Variants in CCDC80 observed in about 807,000 individuals in gnomAD.
CCDC80 encodes the protein coiled-coil domain-containing protein 80.
Under a neutral mutation model 78.7 loss-of-function variants are expected in CCDC80, and 49 were observed. The ratio of observed to expected loss-of-function variants is 0.62; its 90% CI spans 0.50 to 0.79. CCDC80 has a LOEUF of 0.79. Ranked by LOEUF, CCDC80 falls within the 30% of genes least tolerant of loss-of-function variation. CCDC80 has a pLI of 0.00. For missense variants in CCDC80, 1,205 were observed against 1,198.6 expected (o/e 1.01, Z -0.08); for synonymous variants, 488 against 447.0 (o/e 1.09, Z -1.16).
intron 5 of CCDC80, among the ~76,000 whole-genome samples, chr3:112,613,443 G>A (rs1364127374): frequency 1.3e-5 from 2 of 152,060 alleles, no homozygotes; most frequent in African/African-American, 2.4e-5. Context: ...ATTTACATAT[G>A]TTAGGACCCC....
At position 112,638,521 on chromosome 3, in the gene CCDC80, C is replaced by T. The variant is rs138501198; in HGVS notation, c.1385G>A (p.Arg462His). 7.9e-4 allele frequency: 1,274 copies of T among 1,614,038 alleles called. 5 individuals carry two copies. The highest frequency in any genetic ancestry group is 3.1e-3 in the Admixed American group (186 of 60,004). Residue 462 changes from arginine (R) to histidine (H), a missense_variant, in exon 2 of 8, where the codon CGT (arginine) becomes CAT (histidine). By Grantham distance (29) the Arg-to-His change is conservative. Coordinates refer to ENST00000206423, the MANE Select transcript of CCDC80 (RefSeq NM_199511.3). ...CCTGTCCATGCGGTTGTCCCGGAAA[C>T]GGCCTGGGCCAGCAGCCCTTGTGCT... is the stretch of plus-strand genomic sequence containing the variant. ...EPSTRAAGPG[R>H]FRDNRMDRRE...
intron 2 of CCDC80, among the ~76,000 whole-genome samples, chr3:112,633,295 T>C (rs975767782): frequency 6.6e-6 from 1 of 152,154 alleles, no homozygotes; most frequent in Non-Finnish European, 1.5e-5. Flanking sequence ...AGTCACTCCT[T>C]CTACCTCAGA....
At chr3:112,607,512 C>T (rs867221027) in intron 6 of CCDC80, among the ~76,000 whole-genome samples, 7 of 152,148 alleles carry the variant, frequency 4.6e-5, no homozygotes, top group Admixed American at 1.3e-4. Flanking sequence ...CCATGCTGGG[C>T]GCGGCGGCTC....
intron 6 of CCDC80, 72 bp from the exon 7 acceptor site, chr3:112,607,328 A>G: frequency 1.9e-6 from 2 of 1,069,540 alleles, no homozygotes; most frequent in Non-Finnish European, 2.8e-6. Context: ...AAGCCCTGAT[A>G]TCTGACAATT....
rs1469115477 is a variant in CCDC80 at position 112,602,253 on chromosome 3, C to T, written c.*3164G>A. On this transcript the variant is annotated 3_prime_UTR_variant, in exon 8 of 8. Transcript: ENST00000206423. ...AAATGTGTGTATGTTCTGATTGCTC[C>T]AACAACCAACCTTTCTCCAATCTTT... 2 of 152,170 alleles carry T rather than the reference C, an allele frequency of 1.3e-5. No individual in the cohort carries two copies. The highest frequency in any genetic ancestry group is 6.5e-5 in the Admixed American group (1 of 15,272). The allele number at this position is 152,170 out of a possible 1,614,324, so 9.4% of individuals were successfully genotyped here.
chr3:112,613,779 T>A (rs1935680005), intron 5 of CCDC80, among the ~76,000 whole-genome samples: 1 of 152,060 alleles, frequency 6.6e-6, no homozygotes, highest in Non-Finnish European at 1.5e-5. Flanking sequence ...GATAGATCAC[T>A]AACCCTGGAA....
chr3:112,639,637 T>C lies in CCDC80; in HGVS notation c.269A>G (p.Glu90Gly). 6.2e-7 allele frequency: 1 copy of C among 1,614,100 alleles called. No individual in the cohort carries two copies. The highest frequency in any genetic ancestry group is 2.2e-5 in the East Asian group (1 of 44,876). The change falls in exon 2 of 8, where the codon GAG (glutamate) becomes GGG (glycine). Residue 90 changes from glutamate (E) to glycine (G), a missense_variant. Transcript: ENST00000206423. ...ATTGATGTCCGAGCGGGCTGGCGGC[T>C]CTGTTGGGCGAGCTAGTCTCAACAC... ...VPVLRLARPT[E>G]PPARSDINGA... is the part of the protein sequence containing the mutation.
intron 3 of CCDC80, 91 bp from the exon 4 acceptor site, chr3:112,619,195 C>G (rs1271976867): frequency 8.4e-7 from 1 of 1,193,020 alleles, no homozygotes; most frequent in Non-Finnish European, 1.1e-6. Context: ...CCTAATCACA[C>G]CAGCCTTCAT....
intron 6 of CCDC80, among the ~76,000 whole-genome samples, chr3:112,609,067 T>G (rs1411192923): frequency 6.6e-6 from 1 of 152,170 alleles, no homozygotes; most frequent in Non-Finnish European, 1.5e-5. Flanking sequence ...TTTTTTAATT[T>G]GTTGCCCTTA....
chr3:112,634,749 T>G (rs1056531032), intron 2 of CCDC80, among the ~76,000 whole-genome samples: 1 of 152,178 alleles, frequency 6.6e-6, no homozygotes, highest in Non-Finnish European at 1.5e-5. Context: ...CATTCCTCAG[T>G]TTCCCCTTCA....
rs1936250887 is a variant in CCDC80 at position 112,638,181 on chromosome 3, C to T, written c.1725G>A (p.Lys575=). 2.5e-6 allele frequency: 4 copies of T among 1,613,622 alleles called. No individual in the cohort carries two copies. The highest frequency in any genetic ancestry group is 1.7e-5 in the Admixed American group (1 of 59,994). The change falls in exon 2 of 8, where the codon AAG becomes AAA. Residue 575 remains lysine, a synonymous_variant. Coordinates refer to ENST00000206423, the MANE Select transcript of CCDC80 (RefSeq NM_199511.3). ...TGCTCTTCTCTTTCTCTTGCTTGCT[C>T]TTTTTCTCAGACTTCTTCATTTGCT... ...SEKQMKKSEK[K]SKQEKEKSKK...
rs922180501 is a variant in CCDC80 at position 112,597,139 on chromosome 3, C to G, written c.*8278G>C. 2.0e-5 allele frequency: 3 copies of G among 152,142 alleles called. No individual in the cohort carries two copies. The highest frequency in any genetic ancestry group is 6.5e-5 in the Admixed American group (1 of 15,268). 9.4% of individuals were successfully genotyped at this position (152,142 alleles called of 1,614,324 possible). ...GACTATAAACAACACATCATAAATC[C>G]CACTGCCCTTATCTTGGCCCAAAGA... On this transcript the variant is annotated 3_prime_UTR_variant, in exon 8 of 8. Transcript: ENST00000206423.
In CCDC80 at chr3:112,630,246, C is replaced by T. The variant is rs1936071439; in HGVS notation, c.1902G>A (p.Glu634=). ...RLLLITAPKA[E]NNMYVQQRDE... Reference sequence around the variant, plus strand: ...CACGTTGTTGCACATACATATTGTTCTCAGCCTTGGGAGCAGTGATCAGCT... The same window carrying T: ...CACGTTGTTGCACATACATATTGTTTTCAGCCTTGGGAGCAGTGATCAGCT... Residue 634 remains glutamate (E), a synonymous_variant, in exon 3 of 8, where the codon GAG becomes GAA. Transcript: ENST00000206423. 2 of 1,613,832 alleles carry T rather than the reference C, an allele frequency of 1.2e-6. No homozygotes were observed. Among genetic ancestry groups the T allele is most frequent in the African/African-American group, 1.3e-5 (1 of 75,002 alleles).
chr3:112,630,215 A>T lies in CCDC80; in HGVS notation c.1933T>A (p.Tyr645Asn). 1 of 1,613,924 alleles carries T rather than the reference A, an allele frequency of 6.2e-7. No homozygotes were observed. Among genetic ancestry groups the T allele is most frequent in the Non-Finnish European group, 8.5e-7 (1 of 1,179,826 alleles). The change falls in exon 3 of 8, where the codon TAT (tyrosine) becomes AAT (asparagine). Residue 645 changes from tyrosine to asparagine, a missense_variant. Physicochemically the swap from Tyr to Asn is moderately radical, Grantham distance 143 (BLOSUM62 -2). Transcript: ENST00000206423. ...NNMYVQQRDE[Y>N]LESFCKMATR... is the part of the protein sequence containing the mutation. ...GCCATCTTGCAGAAACTTTCCAGAT[A>T]TTCATCACGTTGTTGCACATACATA... is the stretch of plus-strand genomic sequence containing the variant.
At chr3:112,610,399 T>C (rs2107472674) in intron 5 of CCDC80, 1 of 367,558 alleles carries the variant, frequency 2.7e-6, no homozygotes, top group East Asian at 6.3e-5. Flanking sequence ...AGGCCAAAAT[T>C]GTACATTAAA....
intron 3 of CCDC80, among the ~76,000 whole-genome samples, chr3:112,627,785 T>C (rs1240005955): frequency 1.4e-5 from 2 of 145,208 alleles, no homozygotes; most frequent in Admixed American, 7.0e-5. Context: ...AAATAAAAGA[T>C]CTCCCACCCC....
At position 112,630,164 on chromosome 3, in the gene CCDC80, T is replaced by C. The variant is rs1219493774; in HGVS notation, c.1984A>G (p.Ile662Val). 2 of 1,613,992 alleles carry C rather than the reference T, an allele frequency of 1.2e-6. No homozygotes were observed. The highest frequency in any genetic ancestry group is 1.7e-5 in the Admixed American group (1 of 60,000). ...GTGCTGTTGTTGACAGGGCCGAAGA[T>C]GGTGATCACAGAGATTTTCCTGGTA... ...MATRKISVIT[I>V]FGPVNNSTMK... Residue 662 changes from isoleucine (I) to valine (V), a missense_variant, in exon 3 of 8, where the codon ATC (isoleucine) becomes GTC (valine). Physicochemically the swap from Ile to Val is conservative, Grantham distance 29 (BLOSUM62 3). Transcript: ENST00000206423.
chr3:112,637,641 A>G (rs1329201413), intron 2 of CCDC80, among the ~76,000 whole-genome samples: 1 of 152,222 alleles, frequency 6.6e-6, no homozygotes, highest in Admixed American at 6.5e-5. Context: ...TAGGAATTTC[A>G]TCTTTCTTTT....
At position 112,638,115 on chromosome 3, in the gene CCDC80, C is replaced by T. The variant is rs772530743; in HGVS notation, c.1791G>A (p.Gln597=). The part of the protein sequence containing the change: ...KGGKTEQDGY[Q]KPTNKHFTQS... ...GCGTGAAGTGTTTGTTGGTGGGTTT[C>T]TGATAGCCATCCTGTTCTGTTTTAC... The change falls in exon 2 of 8, where the codon CAG becomes CAA. Residue 597 remains glutamine (Q), a synonymous_variant. Coordinates refer to ENST00000206423, the MANE Select transcript of CCDC80 (RefSeq NM_199511.3). The T allele has an allele frequency of 3.1e-6, 5 of 1,614,198 alleles. No homozygotes were observed. The highest frequency in any genetic ancestry group is 4.2e-6 in the Non-Finnish European group (5 of 1,180,038).
Sources: allele counts gnomAD v4.1 joint callset (sites outside exome capture counted in the v4.1 genomes callset), GRCh38; gene constraint gnomAD v4.1.1; transcripts MANE v1.5; gene names NCBI Gene and HGNC (gene_info 2026-07-23, HGNC 2026-07-21).